CYBB: variants seen among roughly 807,000 people sequenced by gnomAD.
CYBB encodes NADPH oxidase 2.
CYBB carries 5 observed loss-of-function variants against 46.5 expected under a neutral mutation model. That is an observed-to-expected ratio of 0.11 (90% confidence interval 0.06 to 0.23). The LOEUF (loss-of-function observed/expected upper bound fraction) is 0.23, where lower values mean the gene tolerates loss of function less well. CYBB is among the 10% of genes least tolerant of loss of function. The probability of loss-of-function intolerance (pLI) is 1.00; values close to 1 mark genes in which losing one functional copy is unlikely to be tolerated. For synonymous variants in CYBB, 183 were observed against 156.7 expected, an observed-to-expected ratio of 1.17 and a Z score of -1.26; for missense variants, 307 against 428.3, an observed-to-expected ratio of 0.72 and a Z score of 2.50.
intron 7 of CYBB, among the ~76,000 whole-genome samples, chrX:37,799,345 CAAG>C: frequency 1.8e-5 from 2 of 111,757 alleles, no homozygotes; most frequent in South Asian, 7.4e-4. Flanking sequence ...TGTTTTGGTT[CAAG>C]AAGTTCCATC....
chrX:37,780,104 G>A lies in CYBB; in HGVS notation c.27G>A (p.Gly9=), dbSNP rs979166608. Residue 9 remains glycine (G), a synonymous_variant, in exon 1 of 13, where the codon GGG becomes GGA. Coordinates refer to ENST00000378588, the MANE Select transcript of CYBB (RefSeq NM_000397.4). ...TGGGGAACTGGGCTGTGAATGAGGG[G>A]CTCTCCATTTTTGTCATTGTAAGTA... MGNWAVNE[G]LSIFVILVWL... 3 of 1,207,075 alleles carry A rather than the reference G, an allele frequency of 2.5e-6. No homozygotes were observed. The highest frequency in any genetic ancestry group is 2.2e-5 in the Admixed American group (1 of 45,678).
At chrX:37,801,485 ATAATC>A in intron 8 of CYBB, 137 bp downstream of exon 8, 1 of 533,999 alleles carries the variant, frequency 1.9e-6, no homozygotes, top group Non-Finnish European at 3.4e-6. Flanking sequence ...ACTTAGCTCA[ATAATC>A]AAATGTTTGA....
intron 10 of CYBB, 43 bp from the exon 11 acceptor site, chrX:37,806,344 G>T (rs1250175366): frequency 2.5e-6 from 3 of 1,198,822 alleles, no homozygotes; most frequent in Non-Finnish European, 3.4e-6. Context: ...TGCTGATAGG[G>T]CCTGCCAAAT....
chrX:37,787,855 G>A (rs1929104847), intron 3 of CYBB, among the ~76,000 whole-genome samples: 1 of 111,121 alleles, frequency 9.0e-6, no homozygotes, highest in Non-Finnish European at 1.9e-5. Flanking sequence ...GCTTCTTTTT[G>A]GATTTGTTTG....
At chrX:37,809,942 C>CTGTG (rs1311508050) in intron 12 of CYBB, among the ~76,000 whole-genome samples, 1 of 111,764 alleles carries the variant, frequency 8.9e-6, no homozygotes, top group Non-Finnish European at 1.9e-5. Flanking sequence ...CTCAACCTGC[C>CTGTG]TGTCCCAAGT....
intron 3 of CYBB, among the ~76,000 whole-genome samples, chrX:37,785,681 ATTAC>A (rs1556465378): frequency 1.8e-5 from 2 of 111,387 alleles, no homozygotes; most frequent in African/African-American, 6.5e-5. Context: ...ACATGTGGGG[ATTAC>A]AGGCATGAGT....
intron 3 of CYBB, 122 bp from the exon 4 acceptor site, chrX:37,791,853 T>C (rs1556467045): frequency 5.6e-6 from 3 of 534,933 alleles, no homozygotes; most frequent in Non-Finnish European, 3.3e-6. Context: ...CAAATAGATA[T>C]AATGATACAG....
Position 37,791,959 on chromosome X carries a change from C to G in CYBB, c.253-16C>G. 1.7e-6 allele frequency: 2 copies of G among 1,161,690 alleles called. No homozygotes were observed. Among genetic ancestry groups the G allele is most frequent in the South Asian group, 1.8e-5 (1 of 55,885 alleles). ...GTTAACAATTACTATTCCATTCTTT[C>G]CCCCTTAATCCAAAGTGCTGCTCAA... On this transcript the variant is annotated splice_polypyrimidine_tract_variant and intron_variant, in intron 3 of 12. Coordinates refer to ENST00000378588, the MANE Select transcript of CYBB (RefSeq NM_000397.4).
At chrX:37,805,587 C>T (rs34697490) in intron 10 of CYBB, among the ~76,000 whole-genome samples, 1,130 of 111,594 alleles carry the variant, frequency 0.01, 8 homozygotes, top group Non-Finnish European at 0.018. Context: ...TCAATGTCTT[C>T]ACAGGCTTTA....
intron 12 of CYBB, among the ~76,000 whole-genome samples, chrX:37,810,542 C>T (rs1021757004): frequency 8.9e-6 from 1 of 112,234 alleles, no homozygotes; most frequent in African/African-American, 3.2e-5. Flanking sequence ...ATAGAAGTTT[C>T]CAAAAACCTT....
chrX:37,804,974 T>C, intron 9 of CYBB, 32 bp from the exon 10 acceptor site: 1 of 1,201,906 alleles, frequency 8.3e-7, no homozygotes, highest in Non-Finnish European at 1.1e-6. Flanking sequence ...GCAAGACATC[T>C]CTGTAACTAT....
chrX:37,781,633 G>T (rs1928954036), intron 1 of CYBB, among the ~76,000 whole-genome samples: 1 of 112,003 alleles, frequency 8.9e-6, no homozygotes, highest in Non-Finnish European at 1.9e-5. Flanking sequence ...TAGCTGATGA[G>T]AATTCACTAG....
At chrX:37,796,465 T>C (rs1929309119) in intron 6 of CYBB, among the ~76,000 whole-genome samples, 1 of 104,976 alleles carries the variant, frequency 9.5e-6, no homozygotes, top group South Asian at 4.2e-4. Flanking sequence ...TCCTCTATGG[T>C]TTAATCACTA....
intron 3 of CYBB, among the ~76,000 whole-genome samples, chrX:37,789,551 A>AAAT (rs1388017283): frequency 3.6e-5 from 4 of 110,541 alleles, no homozygotes; most frequent in African/African-American, 1.3e-4. Context: ...ATAAATAAAT[A>AAAT]AACTATAAAG....
intron 3 of CYBB, among the ~76,000 whole-genome samples, chrX:37,791,624 T>A (rs1929198632): frequency 8.9e-6 from 1 of 112,373 alleles, no homozygotes. Context: ...ACATCCTTTG[T>A]TTAATGAGTA....
chrX:37,791,187 C>T (rs138587474), intron 3 of CYBB, among the ~76,000 whole-genome samples: 5,145 of 110,694 alleles, frequency 0.046, 291 homozygotes, highest in African/African-American at 0.16. Context: ...AGCTGTGTGA[C>T]CTAAGGCTAG....
chrX:37,799,756 A>T (rs1380546423), intron 7 of CYBB, among the ~76,000 whole-genome samples: 1 of 111,549 alleles, frequency 9.0e-6, no homozygotes, highest in East Asian at 2.8e-4. Flanking sequence ...ATAGAGTAAG[A>T]TGTGGGCCTT....
At chrX:37,801,718 T>C in intron 8 of CYBB, among the ~76,000 whole-genome samples, 1 of 107,347 alleles carries the variant, frequency 9.3e-6, no homozygotes, top group Non-Finnish European at 1.9e-5. Flanking sequence ...AAGAGGTGAG[T>C]TCAAAGGGGC....
rs1431530548 is a variant in CYBB, at chrX:37,811,216, A to G, written c.*299A>G. The G allele has an allele frequency of 1.9e-5, 5 of 261,091 alleles. No homozygotes were observed. The Admixed American group carries it at 2.2e-4, about 12-fold the overall frequency. The allele number at this position is 261,091 out of a possible 1,213,427, so 21.5% of individuals were successfully genotyped here. On this transcript the variant is annotated 3_prime_UTR_variant, in exon 13 of 13. Transcript: ENST00000378588. ...TTTAGAATCAAAAGGGAAAGGATCA[A>G]AAGGTTCAGTAACTTCCCTAAGATT...
Sources: allele counts gnomAD v4.1 joint callset (sites outside exome capture counted in the v4.1 genomes callset), GRCh38; gene constraint gnomAD v4.1.1; transcripts MANE v1.5; gene names NCBI Gene and HGNC (gene_info 2026-07-23, HGNC 2026-07-21).